Variants in KIDINS220 observed in about 807,000 individuals in gnomAD.
The protein encoded by KIDINS220 is kinase D interacting substrate 220.
In KIDINS220, 63 loss-of-function variants were observed where a neutral mutation model predicts 157.6. The ratio of observed to expected loss-of-function variants is 0.40; its 90% CI spans 0.33 to 0.49. The LOEUF (loss-of-function observed/expected upper bound fraction) is 0.49, where lower values mean the gene tolerates loss of function less well. Ranked by LOEUF, KIDINS220 falls within the 20% of genes least tolerant of loss-of-function variation. The pLI is 0.66. For missense variants in KIDINS220, 1,772 were observed against 2,171.2 expected, an observed-to-expected ratio of 0.82 and a Z score of 3.65; for synonymous variants, 732 against 783.6, an observed-to-expected ratio of 0.93 and a Z score of 1.10.
chr2:8,821,736 T>G (rs530739720), intron 2 of KIDINS220, among the ~76,000 whole-genome samples: 18 of 152,334 alleles, frequency 1.2e-4, no homozygotes, highest in African/African-American at 4.3e-4. Context: ...AGATAATGAC[T>G]TTCAGGAAAG....
At chr2:8,809,651 T>C (rs774817669) in intron 6 of KIDINS220, among the ~76,000 whole-genome samples, 4 of 151,552 alleles carry the variant, frequency 2.6e-5, no homozygotes, top group Non-Finnish European at 5.9e-5. Context: ...CAAATCTCTA[T>C]GTCCGCTATC....
At position 8,778,971 on chromosome 2, in the gene KIDINS220, G is replaced by A. The variant is rs778173916; in HGVS notation, c.2539C>T (p.Arg847Cys). ...IVHLPVFLNS[R>C]GLSNARKFLV... ...AATTTTCTTGCATTGCTTAGTCCAC[G>A]ACTATTAAGGAACACAGGCAAGTGG... Residue 847 changes from arginine to cysteine, a missense_variant, in exon 19 of 30, where the codon CGT (arginine) becomes TGT (cysteine). By Grantham distance (180) the Arg-to-Cys change is radical. Around this residue, in one of 3 missense-constraint regions of KIDINS220, gnomAD observed 725 missense variants for 1,017.1 expected, o/e 0.71. Coordinates refer to ENST00000256707, the MANE Select transcript of KIDINS220 (RefSeq NM_020738.4). 5.1e-5 allele frequency: 82 copies of A among 1,614,058 alleles called. No individual in the cohort carries two copies. The highest frequency in any genetic ancestry group is 4.6e-4 in the South Asian group (42 of 91,068).
intron 22 of KIDINS220, among the ~76,000 whole-genome samples, chr2:8,760,604 G>A (rs1668622237): frequency 6.6e-6 from 1 of 152,094 alleles, no homozygotes; most frequent in African/African-American, 2.4e-5. Context: ...CATGATTTAG[G>A]ACTTTCTTAA....
chr2:8,786,152 C>T (rs1672367793), intron 16 of KIDINS220, 54 bp downstream of exon 16: 12 of 1,602,762 alleles, frequency 7.5e-6, no homozygotes, highest in Non-Finnish European at 1.0e-5. Context: ...ATAAACTGAA[C>T]ATCTATCCCA....
chr2:8,737,151 G>A, intron 26 of KIDINS220, 152 bp from the exon 27 acceptor site: 1 of 742,520 alleles, frequency 1.3e-6, no homozygotes, highest in African/African-American at 1.8e-5. Flanking sequence ...TACCATTAGG[G>A]AACAGATTTA....
At chr2:8,806,449 A>G in intron 6 of KIDINS220, 80 bp from the exon 7 acceptor site, 1 of 848,094 alleles carries the variant, frequency 1.2e-6, no homozygotes, top group Non-Finnish European at 1.8e-6. Flanking sequence ...AATTTTAATA[A>G]AAATCTTACT....
intron 3 of KIDINS220, among the ~76,000 whole-genome samples, chr2:8,818,001 A>T (rs1572787590): frequency 6.6e-6 from 1 of 152,216 alleles, no homozygotes; most frequent in Admixed American, 6.5e-5. Flanking sequence ...AAAGATGATC[A>T]TCAAAACCTC....
At chr2:8,760,169 C>T (rs917447315) in intron 22 of KIDINS220, among the ~76,000 whole-genome samples, 2 of 152,328 alleles carry the variant, frequency 1.3e-5, no homozygotes, top group South Asian at 4.1e-4. Context: ...AGAAGATCAA[C>T]AAATAAGCTG....
intron 2 of KIDINS220, among the ~76,000 whole-genome samples, chr2:8,819,162 A>C (rs139696706): frequency 7.9e-5 from 12 of 152,326 alleles, no homozygotes; most frequent in African/African-American, 2.9e-4. Context: ...AATATGATCT[A>C]AAATGTGTTT....
At chr2:8,751,701 T>C in intron 22 of KIDINS220, 57 bp from the exon 23 acceptor site, 1 of 1,226,858 alleles carries the variant, frequency 8.2e-7, no homozygotes, top group East Asian at 2.3e-5. Context: ...AAAGGTAAAT[T>C]CTGCATGTCA....
chr2:8,774,420 T>C (rs530060358), intron 21 of KIDINS220, among the ~76,000 whole-genome samples: 137 of 151,704 alleles, frequency 9.0e-4, no homozygotes, highest in Admixed American at 2.4e-3. Flanking sequence ...GTAAATGATG[T>C]AGTGAATTAG....
At chr2:8,825,899 G>A (rs1678714946) in intron 2 of KIDINS220, 1 of 151,806 alleles carries the variant, frequency 6.6e-6, no homozygotes, top group South Asian at 2.1e-4. Flanking sequence ...GTAACACGGT[G>A]AAACCCCATC....
chr2:8,832,923 T>C (rs1198942945), intron 1 of KIDINS220, among the ~76,000 whole-genome samples: 2 of 152,146 alleles, frequency 1.3e-5, no homozygotes, highest in African/African-American at 4.8e-5. Context: ...TACATAATAA[T>C]TGTACATGTT....
intron 22 of KIDINS220, among the ~76,000 whole-genome samples, chr2:8,762,275 T>G (rs1390626806): frequency 1.3e-5 from 2 of 152,220 alleles, no homozygotes; most frequent in East Asian, 3.8e-4. Flanking sequence ...AATAAGGGTT[T>G]TGGATAATGA....
intron 4 of KIDINS220, among the ~76,000 whole-genome samples, chr2:8,817,133 A>G (rs1403636563): frequency 6.6e-6 from 1 of 152,244 alleles, no homozygotes; most frequent in African/African-American, 2.4e-5. Context: ...GCCAAACTCA[A>G]GTAAGAGCTA....
At chr2:8,749,021 C>T (rs955313701) in intron 24 of KIDINS220, among the ~76,000 whole-genome samples, 4 of 152,154 alleles carry the variant, frequency 2.6e-5, no homozygotes, top group African/African-American at 9.7e-5. Flanking sequence ...TAAAAACCTG[C>T]ATTTCACACT....
chr2:8,806,234 G>T, intron 7 of KIDINS220, 37 bp downstream of exon 7: 2 of 1,416,640 alleles, frequency 1.4e-6, no homozygotes. Context: ...TAAAAAACAT[G>T]TTTCTATTGC....
intron 24 of KIDINS220, among the ~76,000 whole-genome samples, chr2:8,748,478 G>A (rs1351099735): frequency 6.6e-6 from 1 of 152,166 alleles, no homozygotes; most frequent in Non-Finnish European, 1.5e-5. Context: ...GTTATTACAA[G>A]TTCCTGGAGT....
chr2:8,830,660 G>A (rs1679487867), intron 1 of KIDINS220, among the ~76,000 whole-genome samples: 1 of 152,074 alleles, frequency 6.6e-6, no homozygotes, highest in African/African-American at 2.4e-5. Flanking sequence ...CTCAAGTGAT[G>A]CGCCTGCCTC....
Sources: gnomAD v4.1 joint callset for allele counts (sites outside exome capture counted in the v4.1 genomes callset) on GRCh38, gnomAD v4.1.1 for gene constraint, gnomAD v4.1.1 regional missense constraint, MANE v1.5 for transcripts, NCBI Gene and HGNC (gene_info 2026-07-23, HGNC 2026-07-21) for gene names.